The following TBC1D23 variants were observed in gnomAD, a reference collection of about 807,000 sequenced individuals.
TBC1D23 encodes the protein TBC1 domain family member 23, also known as HCV non-structural protein 4A-transactivated protein 1.
TBC1D23 carries 55 observed loss-of-function variants against 91.4 expected under a neutral mutation model. The observed-to-expected ratio is 0.60, with a 90% CI of 0.48 to 0.75. The LOEUF (loss-of-function observed/expected upper bound fraction) is 0.75, where lower values mean the gene tolerates loss of function less well. Ranked by LOEUF, TBC1D23 falls within the 30% of genes least tolerant of loss-of-function variation. The pLI is 0.00. For synonymous variants in TBC1D23, 289 were observed against 281.0 expected, an observed-to-expected ratio of 1.03 and a Z score of -0.28; for missense variants, 725 against 836.1, an observed-to-expected ratio of 0.87 and a Z score of 1.64.
chr3:100,289,328 G>GT (rs1182187843), intron 4 of TBC1D23, among the ~76,000 whole-genome samples: 1 of 152,134 alleles, frequency 6.6e-6, no homozygotes, highest in African/African-American at 2.4e-5. Flanking sequence ...GAAGTATTCT[G>GT]TTTGAGTTAT....
intron 4 of TBC1D23, among the ~76,000 whole-genome samples, chr3:100,288,615 A>G (rs972906977): frequency 6.6e-6 from 1 of 152,252 alleles, no homozygotes; most frequent in Non-Finnish European, 1.5e-5. Context: ...TGTCTGGCAC[A>G]TGGTATTTCC....
intron 1 of TBC1D23, among the ~76,000 whole-genome samples, chr3:100,269,730 A>G (rs1452025047): frequency 6.6e-6 from 1 of 152,220 alleles, no homozygotes; most frequent in Non-Finnish European, 1.5e-5. Context: ...CTTTGTAACC[A>G]GCGTCCTAAC....
chr3:100,321,879 C>T (rs1252000574), intron 18 of TBC1D23, among the ~76,000 whole-genome samples: 1 of 148,084 alleles, frequency 6.8e-6, no homozygotes, highest in Non-Finnish European at 1.5e-5. Context: ...TAAATATTTA[C>T]ATAGTGATAT....
At position 100,295,142 on chromosome 3, in the gene TBC1D23, A is replaced by G. The variant is rs374163713; in HGVS notation, c.656A>G (p.Asp219Gly). The G allele has an allele frequency of 3.1e-6, 5 of 1,606,794 alleles. No homozygotes were observed. The African/African-American group carries it at 6.7e-5, about 22-fold the overall frequency. ...ACTGAAGTCACTCAGGCAATATGGG[A>G]TGGATATCTACAACAAGCAGATCCA... ...CSTEVTQAIW[D>G]GYLQQADPFF... Residue 219 changes from aspartate to glycine, a missense_variant, in exon 6 of 19, where the codon GAT (aspartate) becomes GGT (glycine). Asp to Gly is a moderately conservative substitution (Grantham distance 94). Coordinates refer to ENST00000394144, the MANE Select transcript of TBC1D23 (RefSeq NM_001199198.3).
chr3:100,319,196 G>C lies in TBC1D23; in HGVS notation c.1815G>C (p.Met605Ile). The change falls in exon 17 of 19, where the codon ATG becomes ATC. Residue 605 changes from methionine (M) to isoleucine (I), a missense_variant. By Grantham distance (10) the Met-to-Ile change is conservative. Transcript: ENST00000394144. ...PCKEVKESGH[M>I]FPSHLLVTAT... ...AAGAAGTAAAAGAAAGTGGACACAT[G>C]TTTCCCAGGTACTTTTAAAAATGTC... The C allele has an allele frequency of 1.2e-6, 2 of 1,601,636 alleles. No homozygotes were observed. The highest frequency in any genetic ancestry group is 2.3e-5 in the South Asian group (2 of 87,592).
intron 4 of TBC1D23, among the ~76,000 whole-genome samples, chr3:100,286,347 A>G (rs2067741794): frequency 6.6e-6 from 1 of 152,112 alleles, no homozygotes; most frequent in Non-Finnish European, 1.5e-5. Flanking sequence ...CTTTTGCATT[A>G]TGCTTTGTAA....
chr3:100,288,032 A>T (rs954129922), intron 4 of TBC1D23, among the ~76,000 whole-genome samples: 1 of 152,094 alleles, frequency 6.6e-6, no homozygotes, highest in Non-Finnish European at 1.5e-5. Flanking sequence ...ACTTGACCCC[A>T]GGAGTTTGAG....
chr3:100,314,502 G>A (rs1705696818), intron 15 of TBC1D23, among the ~76,000 whole-genome samples: 2 of 152,154 alleles, frequency 1.3e-5, no homozygotes. Flanking sequence ...AAGTGTGGTG[G>A]TTCACACCTG....
chr3:100,312,068 C>G (rs1292514063), intron 15 of TBC1D23, among the ~76,000 whole-genome samples, 191 bp downstream of exon 15: 1 of 152,084 alleles, frequency 6.6e-6, no homozygotes, highest in Non-Finnish European at 1.5e-5. Context: ...TTTGCTTGAT[C>G]ATTTTAATTT....
intron 1 of TBC1D23, among the ~76,000 whole-genome samples, chr3:100,274,714 A>C (rs2067630473): frequency 6.7e-6 from 1 of 149,930 alleles, no homozygotes; most frequent in Non-Finnish European, 1.5e-5. Flanking sequence ...ATGTCGTAGC[A>C]TGTGTCAGAA....
At chr3:100,262,723 CAAAAAAAA>C (rs1174689237) in intron 1 of TBC1D23, among the ~76,000 whole-genome samples, 2 of 51,422 alleles carry the variant, frequency 3.9e-5, no homozygotes, top group Non-Finnish European at 3.5e-5. Flanking sequence ...GGCTCGGTCT[CAAAAAAAA>C]AAAAAAAAAA....
At chr3:100,269,540 A>G (rs913553886) in intron 1 of TBC1D23, among the ~76,000 whole-genome samples, 16 of 152,200 alleles carry the variant, frequency 1.1e-4, no homozygotes, top group African/African-American at 3.9e-4. Context: ...AAATACTTGG[A>G]AAGTTTTGAT....
At chr3:100,305,027 G>T (rs1168453661) in intron 12 of TBC1D23, 139 bp downstream of exon 12, 1 of 549,618 alleles carries the variant, frequency 1.8e-6, no homozygotes, top group Admixed American at 3.9e-5. Flanking sequence ...AAAAGGCAAG[G>T]CCAGGAGGAC....
intron 1 of TBC1D23, chr3:100,279,348 A>G (rs769344549): frequency 3.7e-5 from 8 of 214,722 alleles, no homozygotes; most frequent in Non-Finnish European, 6.5e-5. Context: ...TACCACCACC[A>G]GGAATACTGT....
Position 100,283,619 on chromosome 3 carries a change from T to G in TBC1D23, c.284T>G (p.Val95Gly). The change falls in exon 4 of 19, where the codon GTG (valine) becomes GGG (glycine). Residue 95 changes from valine (V) to glycine (G), a missense_variant. Transcript: ENST00000394144. Reference sequence around the variant, plus strand: ...ATTTATTTTCTAGACCAGCTTTCAGTGCCAGAGGAGAAGGCAGCAGAATTA... The same window carrying G: ...ATTTATTTTCTAGACCAGCTTTCAGGGCCAGAGGAGAAGGCAGCAGAATTA... Reference protein sequence around the residue: ...DCLQFIDQLSVPEEKAAELLL... With the variant: ...DCLQFIDQLSGPEEKAAELLL... The G allele has an allele frequency of 1.2e-6, 2 of 1,613,760 alleles. No individual in the cohort carries two copies. Among genetic ancestry groups the G allele is most frequent in the Non-Finnish European group, 1.7e-6 (2 of 1,179,708 alleles).
intron 12 of TBC1D23, among the ~76,000 whole-genome samples, chr3:100,306,152 T>G (rs982159502): frequency 1.3e-5 from 2 of 152,204 alleles, no homozygotes; most frequent in Admixed American, 1.3e-4. Flanking sequence ...CTTGAAAGAT[T>G]TCCTTTCAAA....
intron 4 of TBC1D23, among the ~76,000 whole-genome samples, chr3:100,287,689 G>A (rs987063461): frequency 2.6e-4 from 39 of 152,182 alleles, no homozygotes; most frequent in Non-Finnish European, 7.3e-5. Flanking sequence ...GTATCAAAAA[G>A]TGATAGATTG....
rs558899522 is a variant in TBC1D23, at chr3:100,303,083, C to T, written c.1263+846C>T. 3.9e-5 allele frequency among the ~76,000 whole-genome samples: 6 copies of T among 152,226 alleles called. No homozygotes were observed. The South Asian group carries it at 1.0e-3, about 26-fold the overall frequency. On this transcript the variant is annotated intron_variant, in intron 11 of 18. Coordinates refer to ENST00000394144, the MANE Select transcript of TBC1D23 (RefSeq NM_001199198.3). ...AATTTGAATTAGTGATTTTATGCAA[C>T]CTGTTTCTCTGCTTTTTTAAAAATG...
chr3:100,315,906 T>A, intron 15 of TBC1D23, 193 bp from the exon 16 acceptor site: 1 of 570,532 alleles, frequency 1.8e-6, no homozygotes, highest in Non-Finnish European at 3.1e-6. Context: ...ATGCCACTTT[T>A]GCTAACATAA....
Sources: gnomAD v4.1 joint callset for allele counts (sites outside exome capture counted in the v4.1 genomes callset) on GRCh38, gnomAD v4.1.1 for gene constraint, MANE v1.5 for transcripts, NCBI Gene and HGNC (gene_info 2026-07-23, HGNC 2026-07-21) for gene names.